Variants in WASHC2A observed in about 807,000 individuals in gnomAD.
WASHC2A encodes the protein WASH complex subunit 2A.
In WASHC2A, 82 loss-of-function variants were observed where a neutral mutation model predicts 140.3. The ratio of observed to expected loss-of-function variants is 0.58; its 90% confidence interval spans 0.49 to 0.70. The LOEUF is 0.70. WASHC2A is among the 30% of genes least tolerant of loss of function. The probability of loss-of-function intolerance (pLI) is 0.00; values close to 1 mark genes in which losing one functional copy is unlikely to be tolerated. For missense variants in WASHC2A, 985 were observed against 1,521.8 expected (o/e 0.65, Z 5.87); for synonymous variants, 340 against 560.8 (o/e 0.61, Z 5.56).
At chr10:50,076,929 A>G (rs1838385193) in intron 3 of WASHC2A, among the ~76,000 whole-genome samples, 2 of 151,372 alleles carry the variant, frequency 1.3e-5, no homozygotes, top group Non-Finnish European at 2.9e-5. Context: ...CCTGGTTAAC[A>G]TGGTGAAACC....
intron 3 of WASHC2A, 87 bp from the exon 4 acceptor site, chr10:50,078,588 T>A (rs1287411068): frequency 8.7e-6 from 14 of 1,611,624 alleles, no homozygotes; most frequent in Non-Finnish European, 1.1e-5. Context: ...CCCATCTTTG[T>A]CCTTAGTTAC....
At position 50,129,815 on chromosome 10, in the gene WASHC2A, C is replaced by T; in HGVS notation, c.3484C>T (p.Pro1162Ser). The change falls in exon 29 of 31, where the codon CCA becomes TCA. Residue 1162 changes from proline (P) to serine (S), a missense_variant. Coordinates refer to ENST00000282633, the MANE Select transcript of WASHC2A (RefSeq NM_001005751.3). ...GATAGCAGAGAATCCTGCCAACCCACCAGTGGGTGGTAAAGCAAAGAGCCC... is the reference window on the plus strand; with the variant it reads ...GATAGCAGAGAATCCTGCCAACCCATCAGTGGGTGGTAAAGCAAAGAGCCC... ...AKIAENPANP[P>S]VGGKAKSPMF... 6.2e-7 allele frequency: 1 copy of T among 1,612,052 alleles called. No homozygotes were observed. The highest frequency in any genetic ancestry group is 2.3e-4 in the Middle Eastern group (1 of 4,430).
rs1839476755 is a variant in WASHC2A at position 50,087,336 on chromosome 10, A to G, written c.732+14A>G. The G allele has an allele frequency of 8.1e-6, 13 of 1,613,964 alleles. No individual in the cohort carries two copies. The highest frequency in any genetic ancestry group is 1.0e-5 in the Non-Finnish European group (12 of 1,179,852). ...GAACAAAACCGGGTAAGGCTCATATATTGAAATGACTTTGTTTTTACATTT... is the reference window on the plus strand; with the variant it reads ...GAACAAAACCGGGTAAGGCTCATATGTTGAAATGACTTTGTTTTTACATTT... On this transcript the variant is annotated intron_variant, in intron 8 of 30. Transcript: ENST00000282633.
At chr10:50,109,830 C>T (rs1320333773) in intron 19 of WASHC2A, among the ~76,000 whole-genome samples, 1 of 152,194 alleles carries the variant, frequency 6.6e-6, no homozygotes, top group East Asian at 1.9e-4. Context: ...AGTGCAGTGG[C>T]ACGATCTCCG....
chr10:50,099,309 G>A (rs1326136546), intron 16 of WASHC2A, among the ~76,000 whole-genome samples: 2 of 142,052 alleles, frequency 1.4e-5, no homozygotes, highest in Non-Finnish European at 3.0e-5. Flanking sequence ...TTGCTCTGTT[G>A]CCCAGACTGG....
At chr10:50,106,102 C>A (rs1358370235) in intron 18 of WASHC2A, among the ~76,000 whole-genome samples, 9 of 150,738 alleles carry the variant, frequency 6.0e-5, no homozygotes, top group African/African-American at 2.2e-4. Flanking sequence ...TGTTCTCCTG[C>A]TTATATGCAG....
chr10:50,102,198 T>C (rs1389250281), intron 17 of WASHC2A, among the ~76,000 whole-genome samples: 1 of 152,190 alleles, frequency 6.6e-6, no homozygotes, highest in East Asian at 1.9e-4. Context: ...TATTGGATAT[T>C]GTTCAGATTC....
At chr10:50,124,445 G>A (rs1285955266) in intron 23 of WASHC2A, among the ~76,000 whole-genome samples, 2 of 151,768 alleles carry the variant, frequency 1.3e-5, no homozygotes, top group Non-Finnish European at 2.9e-5. Flanking sequence ...AAGGAAATAG[G>A]GATGAATTTT....
chr10:50,132,197 T>C (rs1175719601), intron 30 of WASHC2A, among the ~76,000 whole-genome samples: 1 of 152,272 alleles, frequency 6.6e-6, no homozygotes, highest in African/African-American at 2.4e-5. Context: ...CAAATAATGC[T>C]GTGGTCTTTA....
chr10:50,129,083 G>T (rs1446966152), intron 28 of WASHC2A, among the ~76,000 whole-genome samples: 3 of 152,136 alleles, frequency 2.0e-5, no homozygotes, highest in Non-Finnish European at 4.4e-5. Flanking sequence ...GGGGCCAAGG[G>T]AGGGGTTGTG....
At chr10:50,102,830 G>GCAA (rs1841344010) in intron 17 of WASHC2A, among the ~76,000 whole-genome samples, 1 of 150,016 alleles carries the variant, frequency 6.7e-6, no homozygotes, top group South Asian at 2.2e-4. Flanking sequence ...AGGATAAGCT[G>GCAA]ATGTTTTATA....
chr10:50,097,671 A>G lies in WASHC2A; in HGVS notation c.1421-4A>G. The G allele has an allele frequency of 1.3e-6, 2 of 1,581,330 alleles. No individual in the cohort carries two copies. Among genetic ancestry groups the G allele is most frequent in the Non-Finnish European group, 1.7e-6 (2 of 1,162,796 alleles). On this transcript the variant is annotated splice_polypyrimidine_tract_variant and splice_region_variant and intron_variant, in intron 15 of 30. Coordinates refer to ENST00000282633, the MANE Select transcript of WASHC2A (RefSeq NM_001005751.3). ...GTCATTTTATGCCTTGGTATTTTTT[A>G]CAGGCAAAGTCCAATCCACTGCCGA...
rs1839381187 is a variant in WASHC2A, at chr10:50,086,424, G to A, written c.685-851G>A. Among the ~76,000 whole-genome samples, 5 of 151,838 alleles carry A rather than the reference G, an allele frequency of 3.3e-5. No homozygotes were observed. In the South Asian group the frequency reaches 8.3e-4, roughly 25 times the overall value. On this transcript the variant is annotated intron_variant, in intron 7 of 30. Coordinates refer to ENST00000282633, the MANE Select transcript of WASHC2A (RefSeq NM_001005751.3). ...GCAACTATTGATGTCCCCTTCTTGG[G>A]CCTAATGAAGTAGTTATTTTTATTA...
chr10:50,127,762 A>C lies in WASHC2A; in HGVS notation c.3054A>C (p.Pro1018=). ...SGEAGVSFDL[P]AQADTLHSAN... is the part of the protein sequence containing the mutation. ...AGGCCGGTGTGAGTTTTGATCTTCC[A>C]GCTCAGGCAGACACCTTACACAGTG... The change falls in exon 28 of 31, where the codon CCA becomes CCC. Residue 1018 remains proline (P), a synonymous_variant. Coordinates refer to ENST00000282633, the MANE Select transcript of WASHC2A (RefSeq NM_001005751.3). 1.9e-6 allele frequency: 3 copies of C among 1,540,766 alleles called. No individual in the cohort carries two copies. In the Admixed American group the frequency reaches 5.8e-5, roughly 30 times the overall value.
chr10:50,133,145 T>G lies in WASHC2A; in HGVS notation c.*200T>G, dbSNP rs1357844624. The G allele has an allele frequency of 2.7e-6, 2 of 741,794 alleles. No individual in the cohort carries two copies. Among genetic ancestry groups the G allele is most frequent in the Non-Finnish European group, 4.4e-6 (2 of 452,484 alleles). 46.0% of individuals were successfully genotyped at this position (741,794 alleles called of 1,614,324 possible). The stretch of plus-strand genomic sequence containing the variant: ...CAAAACAAAAATAAATATTTCACAG[T>G]GGTTGGTTTGTTTTGTTTTTAAACC... On this transcript the variant is annotated 3_prime_UTR_variant, in exon 31 of 31. Transcript: ENST00000282633.
Position 50,132,971 on chromosome 10 carries a change from C to G in WASHC2A, c.*26C>G. 3 of 1,611,786 alleles carry G rather than the reference C, an allele frequency of 1.9e-6. No homozygotes were observed. Among genetic ancestry groups the G allele is most frequent in the Non-Finnish European group, 2.5e-6 (3 of 1,179,716 alleles). ...AGCACACAGGGTATCCACATGTTAC[C>G]CTGCAGCTACATTGTTGAGTTAGTG... On this transcript the variant is annotated 3_prime_UTR_variant, in exon 31 of 31. Coordinates refer to ENST00000282633, the MANE Select transcript of WASHC2A (RefSeq NM_001005751.3).
intron 7 of WASHC2A, among the ~76,000 whole-genome samples, chr10:50,086,554 C>G (rs1554881126): frequency 6.6e-6 from 1 of 151,368 alleles, no homozygotes; most frequent in African/African-American, 2.4e-5. Flanking sequence ...ATTAGCTCGT[C>G]ATCTAGCATT....
chr10:50,133,279 G>A lies in WASHC2A; in HGVS notation c.*334G>A. On this transcript the variant is annotated 3_prime_UTR_variant, in exon 31 of 31. Coordinates refer to ENST00000282633, the MANE Select transcript of WASHC2A (RefSeq NM_001005751.3). ...GCAGGGAATCCCAGAGATAGCAAATGCCACCTGACCAGAAGTCTTTGTTAT... is the reference window on the plus strand; with the variant it reads ...GCAGGGAATCCCAGAGATAGCAAATACCACCTGACCAGAAGTCTTTGTTAT... 1.8e-6 allele frequency: 1 copy of A among 548,486 alleles called. No individual in the cohort carries two copies. The highest frequency in any genetic ancestry group is 1.6e-5 in the South Asian group (1 of 61,886). 34.0% of individuals were successfully genotyped at this position (548,486 alleles called of 1,614,324 possible).
At chr10:50,118,406 GT>G (rs1221976485) in intron 22 of WASHC2A, among the ~76,000 whole-genome samples, 19 of 30,484 alleles carry the variant, frequency 6.2e-4, no homozygotes, top group African/African-American at 1.7e-3. Context: ...TTAAATGTCA[GT>G]TTTAAGGAGA....
Sources: gnomAD v4.1 joint callset for allele counts (sites outside exome capture counted in the v4.1 genomes callset) on GRCh38, gnomAD v4.1.1 for gene constraint, MANE v1.5 for transcripts, NCBI Gene and HGNC (gene_info 2026-07-23, HGNC 2026-07-21) for gene names.